NLGN4Y: variants seen among roughly 807,000 people sequenced by gnomAD.
The protein encoded by NLGN4Y is neuroligin-4, Y-linked.
A neutral mutation model predicts 8.4 loss-of-function variants in NLGN4Y; 4 were observed. The ratio of observed to expected loss-of-function variants is 0.48; its 90% confidence interval spans 0.23 to 1.09. The LOEUF (loss-of-function observed/expected upper bound fraction) is 1.09. NLGN4Y is among the 50% of genes least tolerant of loss of function. NLGN4Y has a pLI of 0.19. For synonymous variants in NLGN4Y, 35 were observed against 75.6 expected, an observed-to-expected ratio of 0.46 and a Z score of 2.78; for missense variants, 90 against 192.3, an observed-to-expected ratio of 0.47 and a Z score of 3.15.
intron 2 of NLGN4Y, among the ~76,000 whole-genome samples, chrY:14,693,679 A>G: frequency 2.5e-4 from 8 of 32,143 alleles, no homozygotes; most frequent in African/African-American, 9.8e-4. Flanking sequence ...CCTCCCATCT[A>G]GTTCTCCTGA....
intron 4 of NLGN4Y, among the ~76,000 whole-genome samples, chrY:14,775,324 GGT>G (rs368903321): frequency 2.1e-4 from 7 of 32,763 alleles, no homozygotes; most frequent in African/African-American, 8.3e-4. Flanking sequence ...TTAAAAACCA[GGT>G]ATCCCCAATA....
intron 4 of NLGN4Y, among the ~76,000 whole-genome samples, chrY:14,780,354 C>G: frequency 1.2e-4 from 4 of 33,380 alleles, no homozygotes; most frequent in Non-Finnish European, 3.0e-4. Context: ...ATGCAGAGGA[C>G]AACTACATGA....
At chrY:14,812,191 G>A (rs745969150) in intron 4 of NLGN4Y, among the ~76,000 whole-genome samples, 1 of 33,118 alleles carries the variant, frequency 3.0e-5, no homozygotes, top group Non-Finnish European at 7.5e-5. Context: ...AAAAATTCAC[G>A]CCCAAGATTA....
chrY:14,562,330 T>C, intron 1 of NLGN4Y, among the ~76,000 whole-genome samples: 1 of 33,589 alleles, frequency 3.0e-5, no homozygotes, highest in African/African-American at 1.2e-4. Context: ...GGGAGTCTTT[T>C]CCCCACCACT....
chrY:14,776,557 T>G, intron 4 of NLGN4Y, among the ~76,000 whole-genome samples: 3 of 31,775 alleles, frequency 9.4e-5, no homozygotes, highest in African/African-American at 3.6e-4. Context: ...AGAAGACACA[T>G]GGCTATAATT....
chrY:14,590,328 G>A, intron 1 of NLGN4Y, among the ~76,000 whole-genome samples: 2 of 34,003 alleles, frequency 5.9e-5, no homozygotes, highest in Non-Finnish European at 1.5e-4. Flanking sequence ...TCTGAGGACT[G>A]CCAGCATGCT....
chrY:14,830,601 G>A, intron 6 of NLGN4Y, 82 bp downstream of exon 6: 1 of 284,360 alleles, frequency 3.5e-6, no homozygotes, highest in South Asian at 3.3e-5. Context: ...CTACCGGCAT[G>A]TGCAGGAGCA....
At chrY:14,640,264 A>T in intron 2 of NLGN4Y, 1 of 124,159 alleles carries the variant, frequency 8.1e-6, no homozygotes, top group Non-Finnish European at 1.7e-5. Context: ...GAAGAGTGTG[A>T]TGTGAAGCCT....
intron 4 of NLGN4Y, among the ~76,000 whole-genome samples, chrY:14,806,763 A>G: frequency 9.5e-5 from 3 of 31,691 alleles, no homozygotes; most frequent in Non-Finnish European, 1.5e-4. Context: ...AATTATAGTA[A>G]CAAACTTTAG....
chrY:14,759,757 G>T, intron 4 of NLGN4Y, among the ~76,000 whole-genome samples: 1 of 34,171 alleles, frequency 2.9e-5, no homozygotes, highest in Non-Finnish European at 7.3e-5. Context: ...TCTTTGAAAT[G>T]CATGATTAAA....
At chrY:14,674,251 C>T (rs2080739425) in intron 2 of NLGN4Y, among the ~76,000 whole-genome samples, 1 of 29,537 alleles carries the variant, frequency 3.4e-5, no homozygotes, top group Admixed American at 3.1e-4. Flanking sequence ...TAATAAATTC[C>T]CTCAAAAAAA....
chrY:14,541,216 T>C (rs2080148271), intron 1 of NLGN4Y, among the ~76,000 whole-genome samples: 1 of 32,664 alleles, frequency 3.1e-5, no homozygotes, highest in Non-Finnish European at 7.5e-5. Flanking sequence ...AGACTGAAGA[T>C]CAACTCAATG....
intron 4 of NLGN4Y, among the ~76,000 whole-genome samples, chrY:14,780,787 G>T: frequency 3.0e-5 from 1 of 33,349 alleles, no homozygotes; most frequent in East Asian, 8.0e-4. Context: ...TACAAACCAT[G>T]GGTACAGTCT....
Position 14,640,362 on chromosome Y carries a change from G to A in NLGN4Y, c.472+17771G>A. 3.8e-5 allele frequency: 4 copies of A among 104,356 alleles called. No individual in the cohort carries two copies. The Admixed American group carries it at 5.5e-4, about 14-fold the overall frequency. 26.0% of individuals were successfully genotyped at this position (104,356 alleles called of 400,897 possible). ...GATGCTGGCAAGCCCCACCCAGAAA[G>A]CAGGCAGAAGACAAGTGCTCTGAGA... On this transcript the variant is annotated intron_variant, in intron 2 of 6. Transcript: ENST00000684976.
chrY:14,696,912 G>A, intron 2 of NLGN4Y, among the ~76,000 whole-genome samples: 4 of 32,757 alleles, frequency 1.2e-4, no homozygotes, highest in African/African-American at 4.8e-4. Flanking sequence ...GGGGTGTTAT[G>A]TATTTCCAAA....
At chrY:14,693,958 A>G (rs2080819478) in intron 2 of NLGN4Y, among the ~76,000 whole-genome samples, 2 of 32,550 alleles carry the variant, frequency 6.1e-5, no homozygotes, top group Non-Finnish European at 1.5e-4. Flanking sequence ...CTTGTTGGCT[A>G]TGTTTCATCT....
At chrY:14,709,300 A>G in intron 2 of NLGN4Y, among the ~76,000 whole-genome samples, 1 of 33,896 alleles carries the variant, frequency 3.0e-5, no homozygotes, top group African/African-American at 1.2e-4. Context: ...TGGATTGCAT[A>G]CTTTGACATA....
chrY:14,604,897 A>G (rs2080441473), intron 1 of NLGN4Y, among the ~76,000 whole-genome samples: 3 of 33,698 alleles, frequency 8.9e-5, no homozygotes, highest in Non-Finnish European at 2.2e-4. Context: ...TACTTAATAT[A>G]TAGTAAAGCT....
At chrY:14,553,566 C>CTGTGTG (rs557062506) in intron 1 of NLGN4Y, among the ~76,000 whole-genome samples, 252 of 21,726 alleles carry the variant, frequency 0.012, no homozygotes, top group Non-Finnish European at 0.021. Flanking sequence ...GGTACCAAAA[C>CTGTGTG]TGTGTGTGTG....
Sources: gnomAD v4.1 joint callset for allele counts (sites outside exome capture counted in the v4.1 genomes callset) on GRCh38, gnomAD v4.1.1 for gene constraint, MANE v1.5 for transcripts, NCBI Gene and HGNC (gene_info 2026-07-23, HGNC 2026-07-21) for gene names.